FLVCR2: variants seen among roughly 807,000 people sequenced by gnomAD.
FLVCR2 encodes choline/ethanolamine transporter FLVCR2.
In FLVCR2, 38 loss-of-function variants were observed where a neutral mutation model predicts 48.9. The ratio of observed to expected loss-of-function variants is 0.78; its 90% CI spans 0.60 to 1.02. The LOEUF (loss-of-function observed/expected upper bound fraction) is 1.02. Among genes scored for constraint, FLVCR2 ranks in the 50% least tolerant of loss-of-function variants. The probability of loss-of-function intolerance (pLI) is 0.00; values close to 1 mark genes in which losing one functional copy is unlikely to be tolerated. For missense variants in FLVCR2, 664 were observed against 663.3 expected, an observed-to-expected ratio of 1.00 and a Z score of -0.01; for synonymous variants, 255 against 257.0, an observed-to-expected ratio of 0.99 and a Z score of 0.07.
At chr14:75,619,755 G>A (rs1248942437) in intron 1 of FLVCR2, among the ~76,000 whole-genome samples, 1 of 152,152 alleles carries the variant, frequency 6.6e-6, no homozygotes, top group Non-Finnish European at 1.5e-5. Flanking sequence ...GTTACTGTAG[G>A]CCACTGCTAA....
In FLVCR2 at chr14:75,600,819, A is replaced by G. The variant is rs565415074; in HGVS notation, c.669+21178A>G. 1.3e-3 allele frequency among the ~76,000 whole-genome samples: 204 copies of G among 152,234 alleles called. 1 individual carries two copies. The highest frequency in any genetic ancestry group is 4.7e-3 in the African/African-American group (197 of 41,544). Reference sequence around the variant, plus strand: ...TTGGGAGAAAATATTTGCAAATCTTATATCTGATAAGGAATTAATTTCTAG... The same window carrying G: ...TTGGGAGAAAATATTTGCAAATCTTGTATCTGATAAGGAATTAATTTCTAG... On this transcript the variant is annotated intron_variant, in intron 1 of 9. Coordinates refer to ENST00000238667, the MANE Select transcript of FLVCR2 (RefSeq NM_017791.3).
intron 1 of FLVCR2, chr14:75,596,149 T>C: frequency 1.2e-6 from 1 of 809,168 alleles, no homozygotes. Flanking sequence ...GTTTGTTTCC[T>C]CTGAAGTCGT....
At chr14:75,624,574 A>G (rs774874152) in intron 2 of FLVCR2, 38 bp from the exon 3 acceptor site, 3 of 1,613,904 alleles carry the variant, frequency 1.9e-6, no homozygotes, top group South Asian at 1.1e-5. Flanking sequence ...GGGTGGGACC[A>G]TGGGAATTTT....
At chr14:75,606,016 G>A (rs572127083) in intron 1 of FLVCR2, 25 of 206,730 alleles carry the variant, frequency 1.2e-4, no homozygotes, top group Non-Finnish European at 2.3e-4. Flanking sequence ...TAAGGCATTC[G>A]TGGGCTTTTG....
chr14:75,627,168 T>C (rs1402990924), intron 3 of FLVCR2, among the ~76,000 whole-genome samples: 1 of 151,980 alleles, frequency 6.6e-6, no homozygotes, highest in East Asian at 1.9e-4. Context: ...GCTTACGTGG[T>C]CTTTAATCTG....
chr14:75,639,517 GC>G (rs1262777422), intron 6 of FLVCR2, 55 bp downstream of exon 6: 24 of 1,226,558 alleles, frequency 2.0e-5, no homozygotes, highest in Non-Finnish European at 2.9e-5. Flanking sequence ...GGCTCCCAGA[GC>G]TTCCAGCATC....
In FLVCR2 at chr14:75,641,046, A is replaced by C. The variant is rs763881648; in HGVS notation, c.1327A>C (p.Asn443His). 3 of 1,613,388 alleles carry C rather than the reference A, an allele frequency of 1.9e-6. No homozygotes were observed. In the Admixed American group the frequency reaches 5.0e-5, roughly 27 times the overall value. ...AGAAGGCATCTCCTCCGGCCTCCTC[A>C]ACATATCTGCACAGGTAGAGCTCGT... The part of the protein sequence containing the change: ...ESEGISSGLL[N>H]ISAQVFGIIF... Residue 443 changes from asparagine (N) to histidine (H), a missense_variant, in exon 7 of 10, where the codon AAC becomes CAC. Coordinates refer to ENST00000238667, the MANE Select transcript of FLVCR2 (RefSeq NM_017791.3).
At chr14:75,620,184 G>C (rs1361259130) in intron 1 of FLVCR2, among the ~76,000 whole-genome samples, 1 of 152,114 alleles carries the variant, frequency 6.6e-6, no homozygotes, top group Non-Finnish European at 1.5e-5. Context: ...CTTGTGGCTG[G>C]TTTCTACCTT....
At chr14:75,591,202 C>T (rs992724328) in intron 1 of FLVCR2, among the ~76,000 whole-genome samples, 2 of 152,150 alleles carry the variant, frequency 1.3e-5, no homozygotes, top group Admixed American at 6.5e-5. Flanking sequence ...GTCACCACAC[C>T]CAGTAATTTT....
intron 1 of FLVCR2, among the ~76,000 whole-genome samples, chr14:75,604,887 T>C (rs10483870): frequency 0.02 from 3,109 of 152,156 alleles, 121 homozygotes; most frequent in African/African-American, 0.072. Context: ...AAAAGCAATA[T>C]GGGTGCAGGA....
At position 75,603,432 on chromosome 14, in the gene FLVCR2, C is replaced by A. The variant is rs181964334; in HGVS notation, c.670-18647C>A. ...AAGAGTCAGCTGGGGACAGCCAGAC[C>A]TCAGGGGTGGAATACCTTCCTGCTC... On this transcript the variant is annotated intron_variant, in intron 1 of 9. Transcript: ENST00000238667. Among the ~76,000 whole-genome samples the A allele has an allele frequency of 2.0e-4, 31 of 152,302 alleles. No homozygotes were observed. In the East Asian group the frequency reaches 5.0e-3, roughly 25 times the overall value.
At chr14:75,625,858 A>T (rs1461242365) in intron 3 of FLVCR2, among the ~76,000 whole-genome samples, 2 of 151,992 alleles carry the variant, frequency 1.3e-5, no homozygotes, top group African/African-American at 4.8e-5. Context: ...TTGGTACTAA[A>T]ATTATCCCTA....
Position 75,633,711 on chromosome 14 carries a change from T to C in FLVCR2, c.1020+15T>C. On this transcript the variant is annotated intron_variant, in intron 4 of 9. Transcript: ENST00000238667. ...GGCACTACCCGGTAAGGGAGTTCCCTAAGCATGTTGGGCCTCAAGATGATA... is the reference window on the plus strand; with the variant it reads ...GGCACTACCCGGTAAGGGAGTTCCCCAAGCATGTTGGGCCTCAAGATGATA... The C allele has an allele frequency of 3.8e-6, 6 of 1,599,548 alleles. No homozygotes were observed. Among genetic ancestry groups the C allele is most frequent in the Non-Finnish European group, 4.3e-6 (5 of 1,166,700 alleles).
chr14:75,633,540 T>C, intron 3 of FLVCR2, 89 bp from the exon 4 acceptor site: 3 of 1,028,878 alleles, frequency 2.9e-6, no homozygotes, highest in Non-Finnish European at 4.6e-6. Context: ...TGAGGATTTC[T>C]GCCCACCCCC....
At position 75,622,292 on chromosome 14, in the gene FLVCR2, A is replaced by G. The variant is rs868600224; in HGVS notation, c.811+72A>G. 6.9e-5 allele frequency: 96 copies of G among 1,398,716 alleles called. 1 individual carries two copies. In the South Asian group the frequency reaches 1.1e-3, roughly 15 times the overall value. The allele number at this position is 1,398,716 out of a possible 1,614,324, so 86.6% of individuals were successfully genotyped here. ...GGGAGATTCTGCTGACTTTGATGGG[A>G]CCCTTGTGAACATGCCCTGAAATAC... On this transcript the variant is annotated intron_variant, in intron 2 of 9. Coordinates refer to ENST00000238667, the MANE Select transcript of FLVCR2 (RefSeq NM_017791.3).
At chr14:75,609,140 C>T (rs1247591525) in intron 1 of FLVCR2, among the ~76,000 whole-genome samples, 2 of 152,166 alleles carry the variant, frequency 1.3e-5, no homozygotes, top group Non-Finnish European at 2.9e-5. Context: ...AGCATCTACT[C>T]TGTGCCAAAC....
rs1445183679 is a variant in FLVCR2, at chr14:75,646,450, C to T, written c.1559C>T (p.Ala520Val). The change falls in exon 10 of 10, where the codon GCT becomes GTT. Residue 520 changes from alanine to valine, a missense_variant. By Grantham distance (64) the Ala-to-Val change is moderately conservative. Coordinates refer to ENST00000238667, the MANE Select transcript of FLVCR2 (RefSeq NM_017791.3). Reference protein sequence around the residue: ...EESNTSKVPTAVSEDHL With the variant: ...EESNTSKVPTVVSEDHL ...AGCAACACCAGCAAAGTGCCCACTG[C>T]TGTGTCAGAGGATCATCTCTGAGAG... The T allele has an allele frequency of 6.2e-7, 1 of 1,613,540 alleles. No homozygotes were observed. Among genetic ancestry groups the T allele is most frequent in the South Asian group, 1.1e-5 (1 of 91,078 alleles).
At chr14:75,583,449 G>C (rs1237841529) in intron 1 of FLVCR2, among the ~76,000 whole-genome samples, 1 of 152,136 alleles carries the variant, frequency 6.6e-6, no homozygotes, top group East Asian at 1.9e-4. Context: ...AGAGTGATTA[G>C]ATTTTAATGG....
At chr14:75,646,324 T>C (rs1594819522) in intron 9 of FLVCR2, 77 bp from the exon 10 acceptor site, 2 of 984,024 alleles carry the variant, frequency 2.0e-6, no homozygotes, top group African/African-American at 1.6e-5. Flanking sequence ...TGATTAGTCA[T>C]GGCCAGGCAG....
Sources: gnomAD v4.1 joint callset for allele counts (sites outside exome capture counted in the v4.1 genomes callset) on GRCh38, gnomAD v4.1.1 for gene constraint, MANE v1.5 for transcripts, NCBI Gene and HGNC (gene_info 2026-07-23, HGNC 2026-07-21) for gene names.